NNT: variants seen among roughly 807,000 people sequenced by gnomAD.
NNT encodes the protein NAD(P) transhydrogenase, mitochondrial.
NNT carries 50 observed loss-of-function variants against 104.8 expected under a neutral mutation model. The ratio of observed to expected loss-of-function variants is 0.48; its 90% CI spans 0.38 to 0.60. NNT has a LOEUF of 0.60. Ranked by LOEUF, NNT falls within the 20% of genes least tolerant of loss-of-function variation. The pLI is 0.00. For synonymous variants in NNT, 461 were observed against 490.4 expected, an observed-to-expected ratio of 0.94 and a Z score of 0.79; for missense variants, 1,131 against 1,330.7, an observed-to-expected ratio of 0.85 and a Z score of 2.33.
At chr5:43,676,446 T>G (rs1741419035) in intron 18 of NNT, among the ~76,000 whole-genome samples, 1 of 152,206 alleles carries the variant, frequency 6.6e-6, no homozygotes, top group Non-Finnish European at 1.5e-5. Flanking sequence ...CTGAATTGAG[T>G]GTTAAAGTGT....
chr5:43,676,168 T>C (rs1741405003), intron 18 of NNT, among the ~76,000 whole-genome samples: 1 of 152,210 alleles, frequency 6.6e-6, no homozygotes. Flanking sequence ...ACTTTTGTTC[T>C]TAATTTTGCC....
chr5:43,698,099 CAT>C (rs1222726859), intron 19 of NNT, among the ~76,000 whole-genome samples: 3 of 151,534 alleles, frequency 2.0e-5, no homozygotes, highest in Non-Finnish European at 4.4e-5. Context: ...CACACACACA[CAT>C]ATACATACAT....
intron 19 of NNT, among the ~76,000 whole-genome samples, chr5:43,698,325 A>C (rs572479403): frequency 6.6e-6 from 1 of 152,164 alleles, no homozygotes; most frequent in Non-Finnish European, 1.5e-5. Context: ...TGGGGTCTGC[A>C]CATTCTTACC....
In NNT at chr5:43,688,011, G is replaced by A. The variant is rs114620342; in HGVS notation, c.2876+10205G>A. On this transcript the variant is annotated intron_variant, in intron 19 of 21. Coordinates refer to ENST00000344920, the MANE Select transcript of NNT (RefSeq NM_182977.3). ...ATTGAAATCCAAAAGTAATCACAAC[G>A]TATATATTGGGTTATTTAGCTAAAA... Among the ~76,000 whole-genome samples the A allele has an allele frequency of 5.7e-3, 865 of 152,204 alleles. 6 individuals are homozygous for A. The highest frequency in any genetic ancestry group is 0.019 in the African/African-American group (786 of 41,538).
At chr5:43,659,052 G>A in intron 16 of NNT, 119 bp from the exon 17 acceptor site, 1 of 1,000,148 alleles carries the variant, frequency 1.0e-6, no homozygotes, top group Non-Finnish European at 1.4e-6. Flanking sequence ...ACCGGAAGTG[G>A]AACTTATATG....
At chr5:43,654,058 AAGTT>A (rs1048700152) in intron 14 of NNT, among the ~76,000 whole-genome samples, 1 of 152,204 alleles carries the variant, frequency 6.6e-6, no homozygotes, top group Non-Finnish European at 1.5e-5. Context: ...ATCAGAAACA[AAGTT>A]AATAATATTA....
rs192328946 is a variant in NNT at position 43,696,381 on chromosome 5, G to A, written c.2877-3738G>A. On this transcript the variant is annotated intron_variant, in intron 19 of 21. Transcript: ENST00000344920. ...AAGAGGTGGGTTCCCATGGTCTTGG[G>A]TAGCTCTGCCCCTGTGGCTTTACAG... Among the ~76,000 whole-genome samples the A allele has an allele frequency of 2.6e-3, 397 of 152,240 alleles. 2 individuals carry two copies. The highest frequency in any genetic ancestry group is 4.6e-3 in the Non-Finnish European group (313 of 68,006).
chr5:43,630,111 AGATTT>A (rs1275783605), intron 7 of NNT, among the ~76,000 whole-genome samples: 51 of 152,168 alleles, frequency 3.4e-4, no homozygotes, highest in Non-Finnish European at 1.5e-4. Context: ...TTCAGGTCTT[AGATTT>A]AAGTGTTTGA....
At chr5:43,672,918 G>T (rs1187957164) in intron 17 of NNT, among the ~76,000 whole-genome samples, 2 of 152,232 alleles carry the variant, frequency 1.3e-5, no homozygotes, top group Non-Finnish European at 2.9e-5. Context: ...TCCTTGAGCT[G>T]CGGTGGGCTC....
intron 2 of NNT, among the ~76,000 whole-genome samples, chr5:43,610,948 T>A (rs1330049278): frequency 6.6e-6 from 1 of 152,216 alleles, no homozygotes; most frequent in Non-Finnish European, 1.5e-5. Flanking sequence ...AGATAAGAAG[T>A]CTATTTTTTC....
intron 9 of NNT, 99 bp downstream of exon 9, chr5:43,644,901 T>A: frequency 1.0e-6 from 1 of 957,382 alleles, no homozygotes; most frequent in Non-Finnish European, 1.5e-6. Context: ...AGACATATTT[T>A]AATAAGGTAT....
At chr5:43,634,623 A>G (rs1282208304) in intron 7 of NNT, among the ~76,000 whole-genome samples, 1 of 152,134 alleles carries the variant, frequency 6.6e-6, no homozygotes, top group South Asian at 2.1e-4. Context: ...TAATATTGTT[A>G]TATAAAGTTT....
chr5:43,651,404 C>T (rs1739752220), intron 12 of NNT, among the ~76,000 whole-genome samples: 1 of 151,984 alleles, frequency 6.6e-6, no homozygotes, highest in African/African-American at 2.4e-5. Context: ...CGATGAAACC[C>T]CCCTCTCTAC....
chr5:43,609,549 A>G (rs902460218), intron 2 of NNT, among the ~76,000 whole-genome samples: 4 of 152,214 alleles, frequency 2.6e-5, no homozygotes, highest in Non-Finnish European at 5.9e-5. Flanking sequence ...CAGAGAAGAC[A>G]AGGTAATAGA....
chr5:43,655,790 C>A (rs199833955), intron 14 of NNT, 50 bp from the exon 15 acceptor site: 2 of 1,339,120 alleles, frequency 1.5e-6, no homozygotes, highest in East Asian at 2.3e-5. Flanking sequence ...GTTGTGGTTA[C>A]TTCTCAAAAG....
At chr5:43,629,593 G>A (rs1750569425) in intron 7 of NNT, among the ~76,000 whole-genome samples, 1 of 152,140 alleles carries the variant, frequency 6.6e-6, no homozygotes, top group Non-Finnish European at 1.5e-5. Flanking sequence ...ATTCCCACTA[G>A]CAGTGTAAAA....
At chr5:43,676,003 A>T (rs993240131) in intron 18 of NNT, among the ~76,000 whole-genome samples, 1 of 152,180 alleles carries the variant, frequency 6.6e-6, no homozygotes, top group Non-Finnish European at 1.5e-5. Context: ...TAGATATAGT[A>T]TATGAAAGTC....
chr5:43,621,311 T>C lies in NNT; in HGVS notation c.687+2192T>C, dbSNP rs149739326. On this transcript the variant is annotated intron_variant, in intron 5 of 21. Transcript: ENST00000344920. ...TTGGTGTTAGCTAGTGTATTTTATA[T>C]GTGGACCAAGACAATTCTTGTTCCA... Among the ~76,000 whole-genome samples the C allele has an allele frequency of 3.9e-3, 601 of 152,346 alleles. 8 individuals carry two copies. The highest frequency in any genetic ancestry group is 0.014 in the African/African-American group (573 of 41,584).
At position 43,667,682 on chromosome 5, in the gene NNT, G is replaced by T. The variant is rs545089309; in HGVS notation, c.2635-7829G>T. 7.1e-3 allele frequency among the ~76,000 whole-genome samples: 1,085 copies of T among 152,284 alleles called. 4 individuals carry two copies. Among genetic ancestry groups the T allele is most frequent in the Non-Finnish European group, 9.8e-3 (666 of 68,032 alleles). On this transcript the variant is annotated intron_variant, in intron 17 of 21. Coordinates refer to ENST00000344920, the MANE Select transcript of NNT (RefSeq NM_182977.3). Reference sequence around the variant, plus strand: ...CAGTCTATCATTGGTGGACATTTGGGTTGGTTCCAAGTCTTTGCTATTGTG... The same window carrying T: ...CAGTCTATCATTGGTGGACATTTGGTTTGGTTCCAAGTCTTTGCTATTGTG...
Sources: gnomAD v4.1 joint callset for allele counts (sites outside exome capture counted in the v4.1 genomes callset) on GRCh38, gnomAD v4.1.1 for gene constraint, MANE v1.5 for transcripts, NCBI Gene and HGNC (gene_info 2026-07-23, HGNC 2026-07-21) for gene names.